The following PNPLA6 variants were observed in gnomAD, a reference collection of about 807,000 sequenced individuals.
PNPLA6 encodes the protein patatin-like phospholipase domain-containing protein 6.
In PNPLA6, 105 loss-of-function variants were observed where a neutral mutation model predicts 153.7. The ratio of observed to expected loss-of-function variants is 0.68; its 90% CI spans 0.58 to 0.80. PNPLA6 has a LOEUF of 0.80. Among genes scored for constraint, PNPLA6 ranks in the 30% least tolerant of loss-of-function variants. PNPLA6 has a pLI of 0.00. For missense variants in PNPLA6, 1,423 were observed against 1,919.3 expected, an observed-to-expected ratio of 0.74 and a Z score of 4.83; for synonymous variants, 825 against 822.2, an observed-to-expected ratio of 1.00 and a Z score of -0.06.
Position 7,558,766 on chromosome 19 carries a change from A to G in PNPLA6, c.3398-84A>G, listed in dbSNP as rs2023990407. On this transcript the variant is annotated intron_variant, in intron 27 of 31. Transcript: ENST00000600737. ...CTTTTTTTTTTGCGTGATCATTTGC[A>G]TGATGGCATCTGTGGGACTGGGTTG... The G allele has an allele frequency of 4.3e-6, 4 of 929,422 alleles. No individual in the cohort carries two copies. The East Asian group carries it at 1.0e-4, about 24-fold the overall frequency. 57.6% of individuals were successfully genotyped at this position (929,422 alleles called of 1,614,324 possible). A position where few individuals can be genotyped will look rare whatever the true frequency, so the allele number is the denominator to read the frequency against.
At chr19:7,535,531 C>G (rs1200160490), upstream of PNPLA6, 4 of 1,596,776 alleles carry the variant, frequency 2.5e-6, no homozygotes, top group Non-Finnish European at 3.4e-6. The surrounding 1 kb of genome is among the most constrained non-coding windows in gnomAD (Gnocchi z 5.0). Flanking sequence ...CCAGATCGGC[C>G]GTCCAGCTGG....
At chr19:7,535,214 G>A, upstream of PNPLA6, 1 of 539,028 alleles carries the variant, frequency 1.9e-6, no homozygotes, top group South Asian at 2.1e-5. This position sits in a 1 kb window ranked among gnomAD's most constrained non-coding sequence, Gnocchi z 5.0. Context: ...TGGGTACCAG[G>A]TCGGCCTTTG....
Position 7,536,522 on chromosome 19 carries a change from T to A in PNPLA6, c.389T>A (p.Leu130Gln). 6.2e-7 allele frequency: 1 copy of A among 1,613,382 alleles called. No homozygotes were observed. The highest frequency in any genetic ancestry group is 8.5e-7 in the Non-Finnish European group (1 of 1,179,302). The change falls in exon 3 of 32, where the codon CTG becomes CAG. Residue 130 changes from leucine to glutamine, a missense_variant. Coordinates refer to ENST00000600737, the MANE Select transcript of PNPLA6 (RefSeq NM_001166114.2). ...ATSRPRMRKK[L>Q]KMLNIAKKIL... ...TCCCGGCCACGCATGAGGAAGAAAC[T>A]GAAGATGCTCAACATTGCCAAGAAG...
rs2023076711 is a variant in PNPLA6 at position 7,540,403 on chromosome 19, G to A, written c.714+95G>A. On this transcript the variant is annotated intron_variant, in intron 5 of 31. Coordinates refer to ENST00000600737, the MANE Select transcript of PNPLA6 (RefSeq NM_001166114.2). The surrounding 1 kb of genome is among the most constrained non-coding windows in gnomAD (Gnocchi z 6.8). ...TAGAGCTGGTGGTCTTTGGAGATGCGTCATCGGGAGTCAGGGGAACGGGTG... is the reference window on the plus strand; with the variant it reads ...TAGAGCTGGTGGTCTTTGGAGATGCATCATCGGGAGTCAGGGGAACGGGTG... 14 of 1,354,736 alleles carry A rather than the reference G, an allele frequency of 1.0e-5. No homozygotes were observed. The highest frequency in any genetic ancestry group is 2.1e-5 in the Admixed American group (1 of 47,674). 83.9% of individuals were successfully genotyped at this position (1,354,736 alleles called of 1,614,324 possible). A position where few individuals can be genotyped will look rare whatever the true frequency, so the allele number is the denominator to read the frequency against.
chr19:7,557,831 T>G (rs1370408188), intron 27 of PNPLA6, among the ~76,000 whole-genome samples: 1 of 150,612 alleles, frequency 6.6e-6, no homozygotes, highest in Non-Finnish European at 1.5e-5. Context: ...CCTGCTGGCG[T>G]GCTGTGTTAA....
intron 3 of PNPLA6, among the ~76,000 whole-genome samples, chr19:7,538,733 A>G (rs2022986599): frequency 6.6e-6 from 1 of 152,154 alleles, no homozygotes; most frequent in Non-Finnish European, 1.5e-5. Flanking sequence ...TGAGACTGGG[A>G]GGAAGGTCTA....
At chr19:7,535,323 CGA>C (rs2022797371), upstream of PNPLA6, 1 of 624,228 alleles carries the variant, frequency 1.6e-6, no homozygotes, top group Non-Finnish European at 2.9e-6. The surrounding 1 kb of genome is among the most constrained non-coding windows in gnomAD (Gnocchi z 5.0). Flanking sequence ...TGGCCAGGGC[CGA>C]GAGGTCGGTT....
chr19:7,549,095 G>A (rs1259845793), intron 13 of PNPLA6, among the ~76,000 whole-genome samples: 4 of 150,514 alleles, frequency 2.7e-5, no homozygotes, highest in African/African-American at 7.3e-5. Flanking sequence ...GAGCCATCGC[G>A]CCCGGCTAAA....
In PNPLA6 at chr19:7,541,143, A is replaced by T; in HGVS notation, c.924+92A>T. On this transcript the variant is annotated intron_variant, in intron 7 of 31. Transcript: ENST00000600737. The surrounding 1 kb of genome is among the most constrained non-coding windows in gnomAD (Gnocchi z 5.2). ...TCCAAGGGACCGAGGCCCAGCAGCCAGCAGGCGCTGGAGCTGTGGTTATCG... is the reference window on the plus strand; with the variant it reads ...TCCAAGGGACCGAGGCCCAGCAGCCTGCAGGCGCTGGAGCTGTGGTTATCG... The T allele has an allele frequency of 7.5e-7, 1 of 1,341,000 alleles. No individual in the cohort carries two copies. Among genetic ancestry groups the T allele is most frequent in the East Asian group, 3.0e-5 (1 of 33,552 alleles). The allele number at this position is 1,341,000 out of a possible 1,614,324, so 83.1% of individuals were successfully genotyped here.
chr19:7,554,857 G>A (rs1283362017), intron 21 of PNPLA6, 36 bp from the exon 22 acceptor site: 3 of 1,570,488 alleles, frequency 1.9e-6, no homozygotes, highest in Non-Finnish European at 2.6e-6. Context: ...GGTGGTGGTG[G>A]GGCGGCTGGT....
At chr19:7,538,464 T>G (rs1013278490) in intron 3 of PNPLA6, among the ~76,000 whole-genome samples, 1 of 152,198 alleles carries the variant, frequency 6.6e-6, no homozygotes, top group Non-Finnish European at 1.5e-5. Context: ...ATTACAGGCA[T>G]GAGCCACCAC....
chr19:7,551,195 G>C (rs1196817092), intron 17 of PNPLA6, 88 bp downstream of exon 17: 2 of 937,800 alleles, frequency 2.1e-6, no homozygotes, highest in Non-Finnish European at 3.3e-6. Flanking sequence ...GGGGCTTACA[G>C]AGGGGCGGGG....
upstream of PNPLA6, chr19:7,534,589 GAC>G (rs2022753817): frequency 1.3e-5 from 2 of 153,720 alleles, no homozygotes; most frequent in Non-Finnish European, 2.9e-5. Flanking sequence ...AAGGAGCCCG[GAC>G]GCCCTCCCCA....
intron 13 of PNPLA6, among the ~76,000 whole-genome samples, chr19:7,548,060 T>C (rs1186295763): frequency 6.6e-6 from 1 of 151,594 alleles, no homozygotes; most frequent in Non-Finnish European, 1.5e-5. Context: ...ACACTAACAG[T>C]TATAGCTGGG....
intron 21 of PNPLA6, 49 bp downstream of exon 21, chr19:7,554,772 T>C: frequency 6.3e-7 from 1 of 1,599,484 alleles, no homozygotes; most frequent in South Asian, 1.1e-5. Context: ...TCCCGTCCTT[T>C]GCCCTCCCGT....
intron 28 of PNPLA6, 105 bp downstream of exon 28, chr19:7,559,256 G>A: frequency 1.0e-6 from 1 of 956,424 alleles, no homozygotes; most frequent in Non-Finnish European, 1.7e-6. Flanking sequence ...AGGAATCCAG[G>A]AATCCCATCT....
In PNPLA6 at chr19:7,555,553, G is replaced by T; in HGVS notation, c.2937-54G>T. 1 of 1,594,776 alleles carries T rather than the reference G, an allele frequency of 6.3e-7. No homozygotes were observed. The highest frequency in any genetic ancestry group is 1.1e-5 in the South Asian group (1 of 89,366). On this transcript the variant is annotated intron_variant, in intron 23 of 31. Coordinates refer to ENST00000600737, the MANE Select transcript of PNPLA6 (RefSeq NM_001166114.2). The surrounding 1 kb of genome is among the most constrained non-coding windows in gnomAD (Gnocchi z 6.3). ...GGGAGGTGGGAGGAGGTAGGGGCAG[G>T]GGAGTTCCTGCAGGTGGGGCCTAGC...
At chr19:7,550,222 C>G in intron 14 of PNPLA6, 76 bp from the exon 15 acceptor site, 3 of 1,611,074 alleles carry the variant, frequency 1.9e-6, no homozygotes, top group Non-Finnish European at 2.5e-6. Flanking sequence ...GAAGGGAGCC[C>G]CCAGATCTGG....
chr19:7,543,939 G>A (rs1482669964), intron 13 of PNPLA6, among the ~76,000 whole-genome samples: 1 of 150,454 alleles, frequency 6.6e-6, no homozygotes, highest in East Asian at 2.0e-4. Flanking sequence ...TCAGCCTCCC[G>A]AGTAGCTGGG....
Sources: gnomAD v4.1 joint callset for allele counts (sites outside exome capture counted in the v4.1 genomes callset) on GRCh38, gnomAD v4.1.1 for gene constraint, Gnocchi (gnomAD v3.1) non-coding constraint, MANE v1.5 for transcripts, NCBI Gene and HGNC (gene_info 2026-07-23, HGNC 2026-07-21) for gene names.